The following SRP54 variants were observed in gnomAD, a reference collection of about 807,000 sequenced individuals.
SRP54 encodes signal recognition particle subunit SRP54.
Under a neutral mutation model 64.8 loss-of-function variants are expected in SRP54, and 10 were observed. The ratio of observed to expected loss-of-function variants is 0.15; its 90% CI spans 0.10 to 0.26. The LOEUF is 0.26. Among genes scored for constraint, SRP54 ranks in the 10% least tolerant of loss-of-function variants. SRP54 has a pLI of 1.00. For synonymous variants in SRP54, 193 were observed against 185.6 expected (o/e 1.04, Z -0.32); for missense variants, 325 against 613.7 (o/e 0.53, Z 4.97).
At chr14:35,002,210 C>T (rs2044184640) in intron 4 of SRP54, among the ~76,000 whole-genome samples, 2 of 151,758 alleles carry the variant, frequency 1.3e-5, no homozygotes, top group Non-Finnish European at 1.5e-5. Context: ...AAAAATTAGC[C>T]GGGCATGGTG....
intron 1 of SRP54, among the ~76,000 whole-genome samples, chr14:34,992,234 G>T (rs2043992383): frequency 6.6e-6 from 1 of 151,908 alleles, no homozygotes; most frequent in Admixed American, 6.6e-5. Context: ...GGCCCGGACA[G>T]ATTTTGTTAT....
intron 11 of SRP54, 100 bp downstream of exon 11, chr14:35,014,930 T>G: frequency 1.2e-6 from 1 of 804,108 alleles, no homozygotes; most frequent in Admixed American, 2.6e-5. Context: ...TCTGTTAGAG[T>G]CAGATCTTCC....
chr14:35,014,514 A>G (rs1001293361), intron 10 of SRP54, among the ~76,000 whole-genome samples: 1 of 152,024 alleles, frequency 6.6e-6, no homozygotes, highest in Non-Finnish European at 1.5e-5. Flanking sequence ...TCCTGACCTC[A>G]GGTGATCCAC....
chr14:34,988,045 T>G (rs150304542), intron 1 of SRP54, among the ~76,000 whole-genome samples: 1 of 152,158 alleles, frequency 6.6e-6, no homozygotes, highest in African/African-American at 2.4e-5. Context: ...TATACCAGAT[T>G]ATTATTGGTT....
chr14:35,021,711 A>G (rs910111123), intron 13 of SRP54, among the ~76,000 whole-genome samples: 4 of 152,246 alleles, frequency 2.6e-5, no homozygotes, highest in African/African-American at 9.6e-5. Context: ...TGGAAGTGCC[A>G]CGTAAATGGA....
At position 35,029,338 on chromosome 14, in the gene SRP54, A is replaced by G; in HGVS notation, c.*186A>G. 2.2e-6 allele frequency: 1 copy of G among 458,912 alleles called. No homozygotes were observed. Among genetic ancestry groups the G allele is most frequent in the Non-Finnish European group, 3.9e-6 (1 of 259,294 alleles). 28.4% of individuals were successfully genotyped at this position (458,912 alleles called of 1,614,324 possible). A position where few individuals can be genotyped will look rare whatever the true frequency, so the allele number is the denominator to read the frequency against. On this transcript the variant is annotated 3_prime_UTR_variant, in exon 16 of 16. Transcript: ENST00000216774. Reference sequence around the variant, plus strand: ...CTTCCTTCTTTCCTCCCTTTAATATAAGGGAGAAATACATGGTTTTTGTGG... The same window carrying G: ...CTTCCTTCTTTCCTCCCTTTAATATGAGGGAGAAATACATGGTTTTTGTGG...
At chr14:35,013,599 C>A (rs749335606) in intron 9 of SRP54, 105 bp downstream of exon 9, 39 of 1,310,788 alleles carry the variant, frequency 3.0e-5, no homozygotes, top group Non-Finnish European at 4.0e-5. Context: ...CAATAGTGAG[C>A]CTAATATGGT....
intron 5 of SRP54, among the ~76,000 whole-genome samples, chr14:35,007,773 A>G (rs2044289978): frequency 7.1e-6 from 1 of 140,776 alleles, no homozygotes; most frequent in Non-Finnish European, 1.5e-5. Context: ...ATTAAAATAT[A>G]TTTACATTAA....
chr14:35,006,557 T>C (rs554002938), intron 4 of SRP54, among the ~76,000 whole-genome samples: 1 of 151,692 alleles, frequency 6.6e-6, no homozygotes, highest in East Asian at 1.9e-4. Flanking sequence ...TTTAGATGTA[T>C]TGGGGTAGAT....
chr14:35,018,547 A>T lies in SRP54; in HGVS notation c.974-145A>T, dbSNP rs939618100. The T allele has an allele frequency of 1.1e-5, 7 of 650,282 alleles. No homozygotes were observed. In the Admixed American group the frequency reaches 1.5e-4, roughly 14 times the overall value. The allele number at this position is 650,282 out of a possible 1,614,324, so 40.3% of individuals were successfully genotyped here. ...CCCAGCATTCATCCTGTCATCTTGC[A>T]CATGGTAACTGCTTGGTGAATATTT... is the stretch of plus-strand genomic sequence containing the variant. On this transcript the variant is annotated intron_variant, in intron 11 of 15. Coordinates refer to ENST00000216774, the MANE Select transcript of SRP54 (RefSeq NM_003136.4).
chr14:35,017,655 TC>T (rs1378702515), intron 11 of SRP54, among the ~76,000 whole-genome samples: 1 of 152,234 alleles, frequency 6.6e-6, no homozygotes, highest in Non-Finnish European at 1.5e-5. Context: ...TTTGGCTTGT[TC>T]CATCCCTGTT....
At chr14:35,018,355 C>G (rs1413873122) in intron 11 of SRP54, among the ~76,000 whole-genome samples, 1 of 152,004 alleles carries the variant, frequency 6.6e-6, no homozygotes, top group Non-Finnish European at 1.5e-5. Flanking sequence ...CTTTGTGGTC[C>G]ACATCCACTT....
In SRP54 at chr14:35,022,784, A is replaced by G. The variant is rs114690399; in HGVS notation, c.1157-126A>G. 2,327 of 647,430 alleles carry G rather than the reference A, an allele frequency of 3.6e-3. 45 individuals are homozygous for G. In the African/African-American group the frequency reaches 0.038, roughly 11 times the overall value. The allele number at this position is 647,430 out of a possible 1,614,324, so 40.1% of individuals were successfully genotyped here. ...AAGATATTTTGTAATATAAAAAGAA[A>G]AATGAGATAGTTATCACTTTAAAAA... On this transcript the variant is annotated intron_variant, in intron 13 of 15. Coordinates refer to ENST00000216774, the MANE Select transcript of SRP54 (RefSeq NM_003136.4).
rs755101156 is a variant in SRP54, at chr14:35,013,491, G to C, written c.782G>C (p.Ser261Thr). 1 of 1,613,904 alleles carries C rather than the reference G, an allele frequency of 6.2e-7. No homozygotes were observed. Among genetic ancestry groups the C allele is most frequent in the East Asian group, 2.2e-5 (1 of 44,876 alleles). The change falls in exon 9 of 16, where the codon AGT becomes ACT. Residue 261 changes from serine (S) to threonine (T), a missense_variant. Physicochemically the swap from Ser to Thr is moderately conservative, Grantham distance 58. Around this residue, in one of 3 missense-constraint regions of SRP54, gnomAD observed 146 missense variants for 337.4 expected, o/e 0.43. Transcript: ENST00000216774. ...DGHAKGGGAL[S>T]AVAATKSPII... ...CATGCAAAAGGAGGTGGTGCACTCA[G>C]TGCGTAAGTATCATTGATACTGTTG...
intron 2 of SRP54, 93 bp from the exon 3 acceptor site, chr14:34,999,465 A>C: frequency 1.2e-6 from 1 of 828,040 alleles, no homozygotes; most frequent in Non-Finnish European, 2.0e-6. Flanking sequence ...TGGTATTACT[A>C]AGCTGTGGTT....
At chr14:35,012,760 TTA>T (rs1434995101) in intron 8 of SRP54, among the ~76,000 whole-genome samples, 1 of 152,164 alleles carries the variant, frequency 6.6e-6, no homozygotes, top group Non-Finnish European at 1.5e-5. Context: ...ATTTTCGTTG[TTA>T]TACATCTGAA....
Position 35,023,095 on chromosome 14 carries a change from CTTGTT to C in SRP54, c.1327+16_1327+20del. 7.0e-6 allele frequency: 11 copies of C among 1,581,104 alleles called. No individual in the cohort carries two copies. Among genetic ancestry groups the C allele is most frequent in the Non-Finnish European group, 9.5e-6 (11 of 1,161,218 alleles). On this transcript the variant is annotated intron_variant, in intron 14 of 15. Transcript: ENST00000216774. ...ACTTTTCAAAGGTAAGAAAAATAAG[CTTGTT>C]ATTAGTTAACAGACGGAAAAGAAAG...
rs192332762 is a variant in SRP54 at position 35,005,079 on chromosome 14, C to G, written c.256-2204C>G. On this transcript the variant is annotated intron_variant, in intron 4 of 15. Transcript: ENST00000216774. ...AGGCACAGTGGCTTATACCTGTAAT[C>G]TCAGCACTTCAGGAGGCCAAGGCTG... Among the ~76,000 whole-genome samples, 7 of 152,318 alleles carry G rather than the reference C, an allele frequency of 4.6e-5. No homozygotes were observed. In the East Asian group the frequency reaches 1.4e-3, roughly 29 times the overall value.
At chr14:34,989,972 A>G (rs766052084) in intron 1 of SRP54, among the ~76,000 whole-genome samples, 1 of 152,202 alleles carries the variant, frequency 6.6e-6, no homozygotes, top group Non-Finnish European at 1.5e-5. Context: ...CACAGCCAGT[A>G]TGTAACAGAG....
Sources: allele counts gnomAD v4.1 joint callset (sites outside exome capture counted in the v4.1 genomes callset), GRCh38; gene constraint gnomAD v4.1.1; regional missense constraint gnomAD v4.1.1; transcripts MANE v1.5; gene names NCBI Gene and HGNC (gene_info 2026-07-23, HGNC 2026-07-21).